Variants in PCDH9 observed in about 807,000 individuals in gnomAD.
PCDH9 encodes the protein protocadherin-9.
A neutral mutation model predicts 70.6 loss-of-function variants in PCDH9; 24 were observed. That is an observed-to-expected ratio of 0.34 (90% CI 0.25 to 0.48). PCDH9 has a LOEUF of 0.48. Among genes scored for constraint, PCDH9 ranks in the 20% least tolerant of loss-of-function variants. PCDH9 has a pLI of 0.99. For synonymous variants in PCDH9, 562 were observed against 558.5 expected (o/e 1.01, Z -0.09); for missense variants, 1,281 against 1,503.6 (o/e 0.85, Z 2.45).
intron 4 of PCDH9, among the ~76,000 whole-genome samples, chr13:66,588,503 T>C (rs2076993944): frequency 1.3e-5 from 2 of 151,820 alleles, no homozygotes; most frequent in Admixed American, 1.3e-4. Flanking sequence ...TATATATATA[T>C]ATATATGTAT....
intron 3 of PCDH9, among the ~76,000 whole-genome samples, chr13:66,696,314 T>C (rs944272498): frequency 2.0e-5 from 3 of 152,240 alleles, no homozygotes; most frequent in African/African-American, 7.2e-5. Flanking sequence ...TATTCAGTTA[T>C]CATTGATGTA....
chr13:66,827,982 T>TA (rs199516252), intron 3 of PCDH9, among the ~76,000 whole-genome samples: 4 of 152,162 alleles, frequency 2.6e-5, no homozygotes, highest in African/African-American at 9.7e-5. Context: ...TTTATCTTGT[T>TA]AAAAAATATA....
At chr13:66,571,827 G>T (rs961103683) in intron 4 of PCDH9, among the ~76,000 whole-genome samples, 2 of 151,940 alleles carry the variant, frequency 1.3e-5, no homozygotes, top group Admixed American at 1.3e-4. Context: ...GTCCAACATT[G>T]CATTCCTGAT....
chr13:67,042,962 G>T (rs1471593334), intron 2 of PCDH9, among the ~76,000 whole-genome samples: 1 of 152,060 alleles, frequency 6.6e-6, no homozygotes, highest in Non-Finnish European at 1.5e-5. Flanking sequence ...CAATAAATTA[G>T]AGGGATTGCA....
chr13:66,944,371 G>C (rs2083053852), intron 2 of PCDH9, among the ~76,000 whole-genome samples: 1 of 152,026 alleles, frequency 6.6e-6, no homozygotes, highest in East Asian at 1.9e-4. Flanking sequence ...AATATTTTCA[G>C]CTTCTTGTCT....
Position 66,504,047 on chromosome 13 carries a change from T to G in PCDH9, c.3340+127163A>C, listed in dbSNP as rs532289286. 7.9e-5 allele frequency among the ~76,000 whole-genome samples: 12 copies of G among 152,308 alleles called. No homozygotes were observed. The South Asian group carries it at 2.1e-3, about 26-fold the overall frequency. ...ATCAATATGCTAAGGACAGACACAC[T>G]GACTTGATCTCTGCTCCGTAAACAC... On this transcript the variant is annotated intron_variant, in intron 4 of 4. Transcript: ENST00000377865.
chr13:67,101,408 G>A (rs2086431639), intron 2 of PCDH9, among the ~76,000 whole-genome samples: 2 of 152,162 alleles, frequency 1.3e-5, no homozygotes, highest in Non-Finnish European at 1.5e-5. Context: ...CAATGTAATA[G>A]GGTGATTAAT....
At chr13:66,312,449 A>G (rs555025354) in intron 4 of PCDH9, among the ~76,000 whole-genome samples, 1 of 152,186 alleles carries the variant, frequency 6.6e-6, no homozygotes, top group South Asian at 2.1e-4. Context: ...CGGCTCTACA[A>G]AAAATACAAA....
chr13:66,654,233 G>T (rs1219217296), intron 3 of PCDH9, among the ~76,000 whole-genome samples: 1 of 152,120 alleles, frequency 6.6e-6, no homozygotes, highest in Admixed American at 6.5e-5. Context: ...AACTTCAAAT[G>T]TTCTCACTTA....
chr13:67,026,801 A>T lies in PCDH9; in HGVS notation c.3037-123196T>A, dbSNP rs545698968. On this transcript the variant is annotated intron_variant, in intron 2 of 4. Coordinates refer to ENST00000377865, the MANE Select transcript of PCDH9 (RefSeq NM_203487.3). The stretch of plus-strand genomic sequence containing the variant: ...AAACAGAGAGCCAAATCATGAGTGA[A>T]CTCCCATTCACAATTGCTTCAAAGA... Among the ~76,000 whole-genome samples, 154 of 151,560 alleles carry T rather than the reference A, an allele frequency of 1.0e-3. 1 individual carries two copies. The highest frequency in any genetic ancestry group is 3.5e-3 in the African/African-American group (143 of 41,394).
rs192801346 is a variant in PCDH9 at position 66,809,991 on chromosome 13, C to T, written c.3138+93513G>A. ...ACAAGACCCAGCAATAAAACAGGTACATGAAATGCTCAGAGAAAAAAAATT... is the reference window on the plus strand; with the variant it reads ...ACAAGACCCAGCAATAAAACAGGTATATGAAATGCTCAGAGAAAAAAAATT... On this transcript the variant is annotated intron_variant, in intron 3 of 4. Transcript: ENST00000377865. 1.8e-3 allele frequency among the ~76,000 whole-genome samples: 279 copies of T among 152,032 alleles called. 1 individual carries two copies. Among genetic ancestry groups the T allele is most frequent in the Non-Finnish European group, 3.3e-3 (222 of 67,958 alleles).
chr13:67,132,698 T>TA (rs66901806), intron 2 of PCDH9, among the ~76,000 whole-genome samples: 7 of 151,508 alleles, frequency 4.6e-5, no homozygotes, highest in South Asian at 2.1e-4. Context: ...AACATAGCAT[T>TA]AAAAAAAATA....
In PCDH9 at chr13:66,623,441, C is replaced by CT. The variant is rs372825097; in HGVS notation, c.3340+7768dup. On this transcript the variant is annotated intron_variant, in intron 4 of 4. Coordinates refer to ENST00000377865, the MANE Select transcript of PCDH9 (RefSeq NM_203487.3). ...GCTGGCAAGTAGGCTTTTTCTTTTT[C>CT]TTTTTTTTTTGTTAAGAGACAGAAT... 7.8e-3 allele frequency among the ~76,000 whole-genome samples: 1,166 copies of CT among 148,776 alleles called. 20 individuals carry two copies. The East Asian group carries it at 0.082, about 10-fold the overall frequency.
intron 3 of PCDH9, among the ~76,000 whole-genome samples, chr13:66,650,733 T>C (rs1042237271): frequency 6.6e-6 from 1 of 151,928 alleles, no homozygotes; most frequent in African/African-American, 2.4e-5. Context: ...AAAATACACA[T>C]TATTCTCCTC....
intron 4 of PCDH9, among the ~76,000 whole-genome samples, chr13:66,473,331 T>C (rs569677589): frequency 2.3e-3 from 346 of 152,062 alleles, no homozygotes; most frequent in Non-Finnish European, 2.9e-3. Context: ...TTACTTTCAA[T>C]AATATTTCTA....
chr13:66,856,782 C>T (rs979312496), intron 3 of PCDH9, among the ~76,000 whole-genome samples: 12 of 151,992 alleles, frequency 7.9e-5, no homozygotes, highest in Non-Finnish European at 1.5e-4. Context: ...TTATGCCAAA[C>T]GTATGATATT....
At chr13:66,499,314 T>C (rs1959165115) in intron 4 of PCDH9, among the ~76,000 whole-genome samples, 1 of 152,180 alleles carries the variant, frequency 6.6e-6, no homozygotes, top group Non-Finnish European at 1.5e-5. Flanking sequence ...CAAGAAGGTC[T>C]ATATATAACA....
rs1215419684 is a variant in PCDH9 at position 67,227,927 on chromosome 13, C to T, written c.514G>A (p.Gly172Ser). ...TCATAATGCTGTACACCATTGAAGC[C>T]TGTGTCAGGATCTGTTGCTGATGGA... is the stretch of plus-strand genomic sequence containing the variant. Reference protein sequence around the residue: ...PIPSATDPDTGFNGVQHYELL... With the variant: ...PIPSATDPDTSFNGVQHYELL... Residue 172 changes from glycine (G) to serine (S), a missense_variant, in exon 2 of 5, where the codon GGC becomes AGC. Around this residue, in one of 4 missense-constraint regions of PCDH9, gnomAD observed 798 missense variants for 1,003.1 expected, o/e 0.80. Coordinates refer to ENST00000377865, the MANE Select transcript of PCDH9 (RefSeq NM_203487.3). The surrounding 1 kb of genome is among the most constrained non-coding windows in gnomAD (Gnocchi z 4.6). 6.2e-7 allele frequency: 1 copy of T among 1,614,138 alleles called. No homozygotes were observed. The highest frequency in any genetic ancestry group is 1.1e-5 in the South Asian group (1 of 91,086).
chr13:67,086,954 T>C (rs2086119043), intron 2 of PCDH9, among the ~76,000 whole-genome samples: 1 of 152,064 alleles, frequency 6.6e-6, no homozygotes, highest in South Asian at 2.1e-4. Context: ...TGACAAGATT[T>C]TTTTGCAGAG....
Sources: gnomAD v4.1 joint callset for allele counts (sites outside exome capture counted in the v4.1 genomes callset) on GRCh38, gnomAD v4.1.1 for gene constraint, gnomAD v4.1.1 regional missense constraint, Gnocchi (gnomAD v3.1) non-coding constraint, MANE v1.5 for transcripts, NCBI Gene and HGNC (gene_info 2026-07-23, HGNC 2026-07-21) for gene names.